The following ADAM12 variants were observed in gnomAD, a reference collection of about 807,000 sequenced individuals.
ADAM12 encodes the protein disintegrin and metalloproteinase domain-containing protein 12.
In ADAM12, 70 loss-of-function variants were observed where a neutral mutation model predicts 106.4. The observed-to-expected ratio is 0.66, with a 90% CI of 0.54 to 0.80. ADAM12 has a LOEUF of 0.80. Ranked by LOEUF, ADAM12 falls within the 30% of genes least tolerant of loss-of-function variation. The pLI is 0.00. For missense variants in ADAM12, 1,010 were observed against 1,171.9 expected (o/e 0.86, Z 2.02); for synonymous variants, 420 against 433.5 (o/e 0.97, Z 0.39).
intron 1 of ADAM12, among the ~76,000 whole-genome samples, chr10:126,335,025 A>C (rs1854649014): frequency 6.6e-6 from 1 of 152,238 alleles, no homozygotes; most frequent in African/African-American, 2.4e-5. Flanking sequence ...ATAAGTCAAC[A>C]CAGTAAAGCG....
At chr10:126,313,466 C>T (rs535499713) in intron 2 of ADAM12, among the ~76,000 whole-genome samples, 2 of 152,292 alleles carry the variant, frequency 1.3e-5, no homozygotes, top group South Asian at 4.1e-4. Flanking sequence ...AGTATGGGGT[C>T]AAAGTCTCCC....
chr10:126,152,420 G>T (rs562338929), intron 4 of ADAM12, among the ~76,000 whole-genome samples: 1 of 152,026 alleles, frequency 6.6e-6, no homozygotes, highest in Admixed American at 6.5e-5. Context: ...AGACAATTTT[G>T]CTAGCATATA....
At position 126,182,752 on chromosome 10, in the gene ADAM12, C is replaced by T. The variant is rs139022794; in HGVS notation, c.261-27447G>A. Among the ~76,000 whole-genome samples, 659 of 152,280 alleles carry T rather than the reference C, an allele frequency of 4.3e-3. 2 individuals are homozygous for T. The highest frequency in any genetic ancestry group is 0.013 in the African/African-American group (531 of 41,554). On this transcript the variant is annotated intron_variant, in intron 3 of 22. Coordinates refer to ENST00000448723, the MANE Select transcript of ADAM12 (RefSeq NM_001288973.2). ...TTGAGGAGTGTAGCAGAAGGTTTTGCGTCCCTAGCGTCTCTTCTACTTGGA... is the reference window on the plus strand; with the variant it reads ...TTGAGGAGTGTAGCAGAAGGTTTTGTGTCCCTAGCGTCTCTTCTACTTGGA...
At chr10:126,387,853 G>A (rs894188206) in intron 1 of ADAM12, among the ~76,000 whole-genome samples, 1 of 150,872 alleles carries the variant, frequency 6.6e-6, no homozygotes, top group Non-Finnish European at 1.5e-5. Flanking sequence ...GTGGGGCTGC[G>A]GGCCAAGTGT....
At chr10:126,105,182 T>C (rs1955741837) in intron 8 of ADAM12, among the ~76,000 whole-genome samples, 1 of 152,186 alleles carries the variant, frequency 6.6e-6, no homozygotes, top group South Asian at 2.1e-4. Context: ...AGGCACAGTG[T>C]TTTTTAATTA....
intron 22 of ADAM12, among the ~76,000 whole-genome samples, chr10:126,019,152 T>C (rs181549192): frequency 6.7e-4 from 102 of 152,230 alleles, no homozygotes; most frequent in Admixed American, 4.0e-3. Flanking sequence ...CCCCTTTTTC[T>C]CTTTCTCCTG....
At chr10:126,061,615 T>G (rs976517033) in intron 14 of ADAM12, among the ~76,000 whole-genome samples, 2 of 151,972 alleles carry the variant, frequency 1.3e-5, no homozygotes, top group African/African-American at 4.8e-5. Flanking sequence ...GGCAGGAGAG[T>G]CAGTGTCAGA....
chr10:126,091,385 C>A (rs771738351), intron 11 of ADAM12, among the ~76,000 whole-genome samples: 9 of 152,136 alleles, frequency 5.9e-5, no homozygotes, highest in African/African-American at 2.2e-4. Flanking sequence ...CTCGACCTCC[C>A]CCTCACTGTG....
intron 2 of ADAM12, among the ~76,000 whole-genome samples, chr10:126,295,910 AACAC>A (rs113506950): frequency 2.6e-3 from 385 of 148,286 alleles, no homozygotes; most frequent in African/African-American, 9.2e-3. Flanking sequence ...CACACACACA[AACAC>A]ACACACACAC....
intron 18 of ADAM12, among the ~76,000 whole-genome samples, chr10:126,040,259 A>G (rs1039579880): frequency 3.9e-5 from 6 of 152,342 alleles, no homozygotes; most frequent in African/African-American, 9.6e-5. Flanking sequence ...TCAACTGGAC[A>G]GTGAATTTTT....
chr10:126,321,195 A>G (rs1174444364), intron 2 of ADAM12, among the ~76,000 whole-genome samples: 4 of 152,246 alleles, frequency 2.6e-5, no homozygotes, highest in African/African-American at 9.6e-5. Flanking sequence ...AAACATAAAA[A>G]GCATTACTCA....
rs1432444317 is a variant in ADAM12, at chr10:126,049,430, G to T, written c.1740C>A (p.Ile580=). The change falls in exon 16 of 23, where the codon ATC becomes ATA. Residue 580 remains isoleucine (I), a synonymous_variant. Coordinates refer to ENST00000448723, the MANE Select transcript of ADAM12 (RefSeq NM_001288973.2). This position sits in a 1 kb window ranked among gnomAD's most constrained non-coding sequence, Gnocchi z 4.4. ...CEMRDAKCGK[I]QCQGGASRPV... Reference sequence around the variant, plus strand: ...GCCGGCTGGCACCTCCTTGACACTGGATTTTTCCACATTTAGCATCTCTGG... The same window carrying T: ...GCCGGCTGGCACCTCCTTGACACTGTATTTTTCCACATTTAGCATCTCTGG... 1 of 1,614,056 alleles carries T rather than the reference G, an allele frequency of 6.2e-7. No homozygotes were observed. Among genetic ancestry groups the T allele is most frequent in the East Asian group, 2.2e-5 (1 of 44,886 alleles).
intron 3 of ADAM12, among the ~76,000 whole-genome samples, chr10:126,188,364 C>T (rs11244875): frequency 0.32 from 48,059 of 152,128 alleles, 10,896 homozygotes; most frequent in African/African-American, 0.63. Flanking sequence ...GCCTTCAAGA[C>T]TCAGTGTGGT....
chr10:126,203,707 T>A (rs1187068083), intron 3 of ADAM12, among the ~76,000 whole-genome samples: 1 of 152,232 alleles, frequency 6.6e-6, no homozygotes, highest in Non-Finnish European at 1.5e-5. Context: ...AAAATTTTCC[T>A]TCCTACTCCC....
At position 126,030,454 on chromosome 10, in the gene ADAM12, CTG is replaced by C. The variant is rs1419910766; in HGVS notation, c.2529+5690_2529+5691del. 1.8e-4 allele frequency among the ~76,000 whole-genome samples: 28 copies of C among 152,296 alleles called. 1 individual carries two copies. The South Asian group carries it at 5.6e-3, about 30-fold the overall frequency. On this transcript the variant is annotated intron_variant, in intron 21 of 22. Coordinates refer to ENST00000448723, the MANE Select transcript of ADAM12 (RefSeq NM_001288973.2). ...AGACTGGTGACAGGTGTGAAGGAGA[CTG>C]TTTTCCGAATGACCCTTTATACTGT...
At chr10:126,344,180 T>C (rs1198145226) in intron 1 of ADAM12, among the ~76,000 whole-genome samples, 1 of 152,194 alleles carries the variant, frequency 6.6e-6, no homozygotes, top group Non-Finnish European at 1.5e-5. Context: ...CTTTAATCCA[T>C]CTTGAATTAA....
chr10:126,257,816 A>G (rs1958922443), intron 3 of ADAM12, among the ~76,000 whole-genome samples: 1 of 152,230 alleles, frequency 6.6e-6, no homozygotes, highest in South Asian at 2.1e-4. Context: ...CCAAGGGCTC[A>G]GGAAAGGCTC....
rs1264396076 is a variant in ADAM12, at chr10:126,157,029, GTGT to G, written c.261-1727_261-1725del. 8.9e-4 allele frequency among the ~76,000 whole-genome samples: 136 copies of G among 152,140 alleles called. 1 individual carries two copies. The South Asian group carries it at 0.018, about 20-fold the overall frequency. ...ACACCGTTTGGTTTTGTGTGTGTGT[GTGT>G]GGGGGGGTGCTCCTCCACTCTTGAT... On this transcript the variant is annotated intron_variant, in intron 3 of 22. Coordinates refer to ENST00000448723, the MANE Select transcript of ADAM12 (RefSeq NM_001288973.2).
In ADAM12 at chr10:126,017,095, TA is replaced by T; in HGVS notation, c.*183del. ...TCTGCATAAATTAATAATTTACAAG[TA>T]CCTGAGCAAGTAGACAGAGCACCAT... On this transcript the variant is annotated 3_prime_UTR_variant, in exon 23 of 23. Coordinates refer to ENST00000448723, the MANE Select transcript of ADAM12 (RefSeq NM_001288973.2). The T allele has an allele frequency of 1.8e-6, 1 of 553,158 alleles. No homozygotes were observed. The highest frequency in any genetic ancestry group is 3.1e-5 in the South Asian group (1 of 32,616). 34.3% of individuals were successfully genotyped at this position (553,158 alleles called of 1,614,324 possible).
Sources: allele counts gnomAD v4.1 joint callset (sites outside exome capture counted in the v4.1 genomes callset), GRCh38; gene constraint gnomAD v4.1.1; non-coding constraint Gnocchi (gnomAD v3.1); transcripts MANE v1.5; gene names NCBI Gene and HGNC (gene_info 2026-07-23, HGNC 2026-07-21).